Variants in LRRC4C observed in about 807,000 individuals in gnomAD.
The protein encoded by LRRC4C is leucine rich repeat containing 4C.
Under a neutral mutation model 33.6 loss-of-function variants are expected in LRRC4C, and 5 were observed. That is an observed-to-expected ratio of 0.15 (90% CI 0.08 to 0.31). The LOEUF (loss-of-function observed/expected upper bound fraction) is 0.31, where lower values mean the gene tolerates loss of function less well. Ranked by LOEUF, LRRC4C falls within the 10% of genes least tolerant of loss-of-function variation. The pLI, the probability that LRRC4C is intolerant of heterozygous loss-of-function variation, is 1.00. For synonymous variants in LRRC4C, 329 were observed against 302.0 expected (o/e 1.09, Z -0.93); for missense variants, 560 against 796.7 (o/e 0.70, Z 3.58).
chr11:40,895,980 G>C (rs1285324923), intron 2 of LRRC4C, among the ~76,000 whole-genome samples: 2 of 152,070 alleles, frequency 1.3e-5, no homozygotes, highest in Non-Finnish European at 2.9e-5. Flanking sequence ...AAAATCTCCT[G>C]AGAAGTTGTG....
At chr11:41,114,809 G>A (rs909174498) in intron 1 of LRRC4C, among the ~76,000 whole-genome samples, 2 of 152,072 alleles carry the variant, frequency 1.3e-5, no homozygotes, top group African/African-American at 4.8e-5. Context: ...AGTAGTAAAT[G>A]ATTCAAGGTA....
intron 2 of LRRC4C, among the ~76,000 whole-genome samples, chr11:40,730,388 G>T (rs914554331): frequency 6.6e-6 from 1 of 152,072 alleles, no homozygotes; most frequent in African/African-American, 2.4e-5. Flanking sequence ...CGTTATGCAT[G>T]CAAATGGATC....
chr11:41,400,034 T>C (rs534946315), intron 1 of LRRC4C, among the ~76,000 whole-genome samples: 1 of 152,020 alleles, frequency 6.6e-6, no homozygotes, highest in African/African-American at 2.4e-5. Flanking sequence ...TGTTACACAG[T>C]GAATGTCAAT....
At chr11:40,719,176 T>G (rs1449855127) in intron 2 of LRRC4C, among the ~76,000 whole-genome samples, 1 of 152,200 alleles carries the variant, frequency 6.6e-6, no homozygotes, top group Non-Finnish European at 1.5e-5. Flanking sequence ...GCTTACAATT[T>G]CCTGCTGAAA....
intron 3 of LRRC4C, among the ~76,000 whole-genome samples, chr11:40,422,705 C>G (rs1286806239): frequency 6.7e-6 from 1 of 148,726 alleles, no homozygotes; most frequent in East Asian, 2.0e-4. Flanking sequence ...AAAAAAAAAG[C>G]AAATTATTTA....
At chr11:40,178,007 C>A (rs1018003627) in intron 5 of LRRC4C, among the ~76,000 whole-genome samples, 5 of 152,114 alleles carry the variant, frequency 3.3e-5, no homozygotes, top group African/African-American at 9.7e-5. Flanking sequence ...GCTTAGCATG[C>A]AAAGTAGTTG....
intron 2 of LRRC4C, among the ~76,000 whole-genome samples, chr11:40,819,187 G>GT (rs768875058): frequency 6.6e-6 from 1 of 152,050 alleles, no homozygotes; most frequent in Non-Finnish European, 1.5e-5. Flanking sequence ...AGAAGAGTTG[G>GT]TAGGACATCC....
intron 2 of LRRC4C, among the ~76,000 whole-genome samples, chr11:40,807,678 T>C (rs1951313811): frequency 6.6e-6 from 1 of 152,210 alleles, no homozygotes; most frequent in African/African-American, 2.4e-5. Context: ...CTGCACGGAT[T>C]TTAGTATTCC....
chr11:40,365,259 TAGA>T (rs907611738), intron 3 of LRRC4C, among the ~76,000 whole-genome samples: 3 of 152,136 alleles, frequency 2.0e-5, no homozygotes, highest in African/African-American at 7.2e-5. Flanking sequence ...TTTAAAAATG[TAGA>T]AGATTTCAAC....
intron 4 of LRRC4C, among the ~76,000 whole-genome samples, chr11:40,296,040 A>G (rs1367030711): frequency 6.6e-6 from 1 of 152,242 alleles, no homozygotes; most frequent in Non-Finnish European, 1.5e-5. Context: ...TTTGACAGCA[A>G]AGGAAGGCCA....
At chr11:40,655,966 A>G (rs1943084163) in intron 2 of LRRC4C, among the ~76,000 whole-genome samples, 2 of 152,144 alleles carry the variant, frequency 1.3e-5, no homozygotes, top group African/African-American at 2.4e-5. Context: ...TTAAACCATC[A>G]GATTTCATGA....
chr11:40,478,930 C>T (rs57331994), intron 3 of LRRC4C, among the ~76,000 whole-genome samples: 2,952 of 152,210 alleles, frequency 0.019, 40 homozygotes, highest in South Asian at 0.034. Context: ...GGTTAAATTG[C>T]ATTGGCTGTT....
intron 3 of LRRC4C, among the ~76,000 whole-genome samples, chr11:40,416,077 A>G (rs1950314498): frequency 6.6e-6 from 1 of 152,228 alleles, no homozygotes; most frequent in African/African-American, 2.4e-5. Flanking sequence ...ATAAATAACA[A>G]CAACAGCAAC....
At chr11:40,905,620 C>CAAGG (rs1468680864) in intron 2 of LRRC4C, among the ~76,000 whole-genome samples, 4 of 152,158 alleles carry the variant, frequency 2.6e-5, no homozygotes, top group African/African-American at 4.8e-5. Context: ...GAAAGCAAGG[C>CAAGG]AAGGACAAAT....
Position 40,199,094 on chromosome 11 carries a change from G to A in LRRC4C, c.-96+42425C>T, listed in dbSNP as rs181511373. ...TTTGTTTGTTTATTTATTTTGAGAT[G>A]GAGTCTCACTCTGTCATCCAGGCTG... On this transcript the variant is annotated intron_variant, in intron 5 of 6. Coordinates refer to ENST00000528697, the MANE Select transcript of LRRC4C (RefSeq NM_001258419.2). 3.1e-3 allele frequency among the ~76,000 whole-genome samples: 475 copies of A among 152,230 alleles called. 2 individuals are homozygous for A. The highest frequency in any genetic ancestry group is 0.011 in the African/African-American group (444 of 41,552).
intron 1 of LRRC4C, among the ~76,000 whole-genome samples, chr11:41,290,324 G>A (rs1165953476): frequency 6.6e-6 from 1 of 152,168 alleles, no homozygotes; most frequent in African/African-American, 2.4e-5. Context: ...AGTTTGTGGT[G>A]CAGGTATCAT....
At chr11:40,564,693 A>G (rs1957683541) in intron 3 of LRRC4C, among the ~76,000 whole-genome samples, 1 of 152,170 alleles carries the variant, frequency 6.6e-6, no homozygotes, top group African/African-American at 2.4e-5. Flanking sequence ...TCAGTGTTAC[A>G]TTCTTCCAGA....
At chr11:41,267,807 A>G (rs1015089565) in intron 1 of LRRC4C, among the ~76,000 whole-genome samples, 3 of 152,156 alleles carry the variant, frequency 2.0e-5, no homozygotes, top group Non-Finnish European at 4.4e-5. Flanking sequence ...AGTACCCACC[A>G]TCATCGAACC....
chr11:41,215,235 C>T (rs914830327), intron 1 of LRRC4C, among the ~76,000 whole-genome samples: 1 of 151,342 alleles, frequency 6.6e-6, no homozygotes, highest in Non-Finnish European at 1.5e-5. Context: ...CGTCTGTAAC[C>T]CCAGCACGTT....
Sources: gnomAD v4.1 joint callset for allele counts (sites outside exome capture counted in the v4.1 genomes callset) on GRCh38, gnomAD v4.1.1 for gene constraint, MANE v1.5 for transcripts, NCBI Gene and HGNC (gene_info 2026-07-23, HGNC 2026-07-21) for gene names.